NDE1: variants seen among roughly 807,000 people sequenced by gnomAD.
NDE1 encodes the protein nuclear distribution protein nudE homolog 1.
NDE1 carries 28 observed loss-of-function variants against 43.4 expected under a neutral mutation model. The ratio of observed to expected loss-of-function variants is 0.65; its 90% CI spans 0.48 to 0.89. The LOEUF (loss-of-function observed/expected upper bound fraction) is 0.89. NDE1 is among the 40% of genes least tolerant of loss of function. NDE1 has a pLI of 0.00. For synonymous variants in NDE1, 184 were observed against 172.0 expected (o/e 1.07, Z -0.55); for missense variants, 441 against 434.1 (o/e 1.02, Z -0.14).
intron 1 of NDE1, among the ~76,000 whole-genome samples, chr16:15,644,492 T>C (rs978165769): frequency 6.6e-6 from 1 of 152,236 alleles, no homozygotes; most frequent in African/African-American, 2.4e-5. Flanking sequence ...AAATCTTGAC[T>C]GTGGGCTGGG....
At chr16:15,651,357 A>C (rs1382231439) in intron 1 of NDE1, 3 of 151,376 alleles carry the variant, frequency 2.0e-5, no homozygotes, top group African/African-American at 7.3e-5. Flanking sequence ...AAGATTAATT[A>C]GATCCCAGCT....
At chr16:15,672,032 G>A (rs577419437) in intron 3 of NDE1, among the ~76,000 whole-genome samples, 1 of 152,090 alleles carries the variant, frequency 6.6e-6, no homozygotes, top group African/African-American at 2.4e-5. Context: ...TGAAAAGCTG[G>A]GTAGGAGGAA....
intron 8 of NDE1, chr16:15,704,212 A>G (rs2039330784): frequency 6.6e-7 from 1 of 1,508,300 alleles, no homozygotes; most frequent in Non-Finnish European, 9.1e-7. Flanking sequence ...ACTTGTAGCT[A>G]TAGTCCTATT....
rs2040005912 is a variant in NDE1, at chr16:15,714,531, C to CAGGAAGGAGGTGAAGTGGCGGGG, written c.948-9659_948-9637dup. ...GGGAGAAAGGAGGAGCAGAGCATGTCAGGAAGGAGGTGAAGTGGCGGGGGG... is the reference window on the plus strand; with the variant it reads ...GGGAGAAAGGAGGAGCAGAGCATGTCAGGAAGGAGGTGAAGTGGCGGGGAGGAAGGAGGTGAAGTGGCGGGGGG... On this transcript the variant is annotated intron_variant, in intron 8 of 8. Coordinates refer to ENST00000396354, the MANE Select transcript of NDE1 (RefSeq NM_017668.3). 8.0e-6 allele frequency: 3 copies of CAGGAAGGAGGTGAAGTGGCGGGG among 377,272 alleles called. No individual in the cohort carries two copies. In the South Asian group the frequency reaches 8.0e-5, roughly 10 times the overall value. 23.4% of individuals were successfully genotyped at this position (377,272 alleles called of 1,614,324 possible).
chr16:15,687,364 C>T lies in NDE1; in HGVS notation c.387-11C>T, dbSNP rs1445920477. On this transcript the variant is annotated splice_polypyrimidine_tract_variant and intron_variant, in intron 4 of 8. Transcript: ENST00000396354. The stretch of plus-strand genomic sequence containing the variant: ...TGTCCTCTTGGATAACTCTGCTTTT[C>T]TCTTCGCCAGCGCCACGATCATGTC... The T allele has an allele frequency of 6.2e-7, 1 of 1,614,080 alleles. No homozygotes were observed. Among genetic ancestry groups the T allele is most frequent in the South Asian group, 1.1e-5 (1 of 91,066 alleles).
At chr16:15,716,357 C>T (rs1014243667) in intron 8 of NDE1, among the ~76,000 whole-genome samples, 5 of 152,040 alleles carry the variant, frequency 3.3e-5, no homozygotes, top group South Asian at 2.1e-4. Context: ...GCAGGGCGTG[C>T]GAATTACTGA....
At chr16:15,676,040 C>T (rs1454627946) in intron 3 of NDE1, among the ~76,000 whole-genome samples, 3 of 152,018 alleles carry the variant, frequency 2.0e-5, no homozygotes, top group African/African-American at 7.2e-5. Context: ...CAGCTGGCAA[C>T]AGGGAATCAT....
In NDE1 at chr16:15,667,284, A is replaced by G. The variant is rs1451784988; in HGVS notation, c.84-2A>G. The G allele has an allele frequency of 6.2e-7, 1 of 1,614,046 alleles. No individual in the cohort carries two copies. Among genetic ancestry groups the G allele is most frequent in the African/African-American group, 1.3e-5 (1 of 74,938 alleles). The stretch of plus-strand genomic sequence containing the variant: ...ACGTGATGATTAACAATTTTGCTGT[A>G]GGGCAGAAAATACGCAAGAGGAACT... On this transcript the variant is annotated splice_acceptor_variant, in intron 2 of 8. Transcript: ENST00000396354. LOFTEE classifies it high-confidence loss of function.
rs576130635 is a variant in NDE1 at position 15,671,897 on chromosome 16, A to C, written c.237+4458A>C. Among the ~76,000 whole-genome samples the C allele has an allele frequency of 3.9e-5, 6 of 151,990 alleles. No individual in the cohort carries two copies. The East Asian group carries it at 9.7e-4, about 25-fold the overall frequency. ...TTTGTAGAGACGGGTTCATGTGCCC[A>C]TGCTAGTCTGGGACTCCTGAGCTCA... On this transcript the variant is annotated intron_variant, in intron 3 of 8. Coordinates refer to ENST00000396354, the MANE Select transcript of NDE1 (RefSeq NM_017668.3).
At chr16:15,681,233 C>G (rs76485214) in intron 4 of NDE1, among the ~76,000 whole-genome samples, 2,602 of 111,210 alleles carry the variant, frequency 0.023, 44 homozygotes, top group Non-Finnish European at 0.032. Context: ...CCCAGTTGTG[C>G]CAGCACTGTT....
rs781282181 is a variant in NDE1 at position 15,721,674 on chromosome 16, G to A, written c.948-2517G>A. Reference sequence around the variant, plus strand: ...CCAGAGGTGACTTCTAGGCATATCCGGGGTCAGCGTCACTGAATTGTAAAT... The same window carrying A: ...CCAGAGGTGACTTCTAGGCATATCCAGGGTCAGCGTCACTGAATTGTAAAT... On this transcript the variant is annotated intron_variant, in intron 8 of 8. Coordinates refer to ENST00000396354, the MANE Select transcript of NDE1 (RefSeq NM_017668.3). 23 of 1,605,364 alleles carry A rather than the reference G, an allele frequency of 1.4e-5. No homozygotes were observed. The East Asian group carries it at 1.8e-4, about 12-fold the overall frequency.
chr16:15,692,622 C>A (rs1259442643), intron 6 of NDE1, among the ~76,000 whole-genome samples: 2 of 152,024 alleles, frequency 1.3e-5, no homozygotes, highest in Non-Finnish European at 2.9e-5. Context: ...GTTGGCCGGG[C>A]TGGTCTCAAA....
In NDE1 at chr16:15,720,613, A is replaced by G. The variant is rs57826272; in HGVS notation, c.948-3578A>G. On this transcript the variant is annotated intron_variant, in intron 8 of 8. Coordinates refer to ENST00000396354, the MANE Select transcript of NDE1 (RefSeq NM_017668.3). The stretch of plus-strand genomic sequence containing the variant: ...AAAAAAAAAAAAAAATTAGCTAGGT[A>G]TGGTGGCATGCGCCTGTAATCCAAG... Among the ~76,000 whole-genome samples the G allele has an allele frequency of 0.075, 11,450 of 151,826 alleles. 1,059 individuals carry two copies. Among genetic ancestry groups the G allele is most frequent in the African/African-American group, 0.22 (9,096 of 41,346 alleles).
chr16:15,714,512 AAGG>A (rs1418279983), intron 8 of NDE1: 4 of 329,338 alleles, frequency 1.2e-5, no homozygotes, highest in African/African-American at 4.2e-5. Flanking sequence ...GAGGGGGAGA[AAGG>A]AGGAGCAGAG....
At chr16:15,724,033 C>G (rs2040618687) in intron 8 of NDE1, 158 bp from the exon 9 acceptor site, 1 of 1,502,308 alleles carries the variant, frequency 6.7e-7, no homozygotes, top group African/African-American at 1.4e-5. Flanking sequence ...ATAAGACAGC[C>G]TCCCATGGCT....
chr16:15,654,420 C>T (rs1384979031), intron 1 of NDE1, among the ~76,000 whole-genome samples: 4 of 151,300 alleles, frequency 2.6e-5, no homozygotes, highest in Non-Finnish European at 4.4e-5. Context: ...GCCAACGTGG[C>T]GAAACCCCGT....
intron 8 of NDE1, chr16:15,703,657 T>C (rs556711136): frequency 1.2e-4 from 52 of 437,614 alleles, no homozygotes; most frequent in African/African-American, 9.2e-4. Context: ...GATGCAATTA[T>C]AGCTCATTGC....
chr16:15,719,849 C>A, intron 8 of NDE1: 1 of 1,304,162 alleles, frequency 7.7e-7, no homozygotes. Flanking sequence ...ACGAGCATGG[C>A]TCTCAGTTCC....
intron 3 of NDE1, 113 bp from the exon 4 acceptor site, chr16:15,677,688 G>A (rs1466196571): frequency 1.7e-6 from 2 of 1,163,228 alleles, no homozygotes; most frequent in Non-Finnish European, 2.5e-6. Flanking sequence ...GGCTCAGGCA[G>A]TCCTCCCAGT....
Sources: allele counts gnomAD v4.1 joint callset (sites outside exome capture counted in the v4.1 genomes callset), GRCh38; gene constraint gnomAD v4.1.1; transcripts MANE v1.5; gene names NCBI Gene and HGNC (gene_info 2026-07-23, HGNC 2026-07-21).